Variants in KLHL7 observed in about 807,000 individuals in gnomAD.
The protein encoded by KLHL7 is kelch-like protein 7.
Under a neutral mutation model 67.4 loss-of-function variants are expected in KLHL7, and 44 were observed. That is an observed-to-expected ratio of 0.65 (90% CI 0.51 to 0.84). The LOEUF (loss-of-function observed/expected upper bound fraction) is 0.84, where lower values mean the gene tolerates loss of function less well. KLHL7 is among the 40% of genes least tolerant of loss of function. The probability of loss-of-function intolerance (pLI) is 0.00; values close to 1 mark genes in which losing one functional copy is unlikely to be tolerated. For synonymous variants in KLHL7, 252 were observed against 243.3 expected (o/e 1.04, Z -0.33); for missense variants, 362 against 718.1 (o/e 0.50, Z 5.67).
At position 23,177,353 on chromosome 7, in the gene KLHL7, G is replaced by A. The variant is rs1220386010; in HGVS notation, c.*3055G>A. The A allele has an allele frequency of 6.6e-6, 1 of 152,148 alleles. No homozygotes were observed. The highest frequency in any genetic ancestry group is 1.9e-4 in the East Asian group (1 of 5,198). The allele number at this position is 152,148 out of a possible 1,614,324, so 9.4% of individuals were successfully genotyped here. ...ACAGTACCTGTCTAAGATATTTTAA[G>A]TACACCAGCATTTCCTTTTAGGCTA... On this transcript the variant is annotated 3_prime_UTR_variant, in exon 11 of 11. Coordinates refer to ENST00000339077, the MANE Select transcript of KLHL7 (RefSeq NM_001031710.3).
chr7:23,126,159 T>G, intron 4 of KLHL7: 1 of 398,688 alleles, frequency 2.5e-6, no homozygotes, highest in Non-Finnish European at 4.7e-6. Flanking sequence ...CAGGATGGTT[T>G]CTTAAGTGAC....
rs185858320 is a variant in KLHL7, at chr7:23,148,022, T to C, written c.793+3997T>C. Among the ~76,000 whole-genome samples the C allele has an allele frequency of 2.1e-3, 324 of 152,336 alleles. 3 individuals carry two copies. The highest frequency in any genetic ancestry group is 0.015 in the South Asian group (72 of 4,820). On this transcript the variant is annotated intron_variant, in intron 6 of 10. Coordinates refer to ENST00000339077, the MANE Select transcript of KLHL7 (RefSeq NM_001031710.3). ...CTTATCTTGAGCAGATCCAAGACTT[T>C]ATCTCCTCTGCCTCATACAGCCAAT...
intron 4 of KLHL7, among the ~76,000 whole-genome samples, chr7:23,138,662 T>C (rs559890770): frequency 6.5e-4 from 99 of 151,806 alleles, no homozygotes; most frequent in African/African-American, 2.3e-3. Context: ...CTCAGCCTCC[T>C]GAGTAGCTGG....
At chr7:23,160,921 A>T (rs1195097604) in intron 7 of KLHL7, among the ~76,000 whole-genome samples, 1 of 152,196 alleles carries the variant, frequency 6.6e-6, no homozygotes, top group Non-Finnish European at 1.5e-5. Flanking sequence ...GACTGCCTCT[A>T]ATCTGTCCTA....
At chr7:23,151,163 T>TTTGTTTTG (rs1784522705) in intron 6 of KLHL7, among the ~76,000 whole-genome samples, 1 of 146,214 alleles carries the variant, frequency 6.8e-6, no homozygotes, top group African/African-American at 2.6e-5. Flanking sequence ...TTTTGTTTTT[T>TTTGTTTTG]TTTTTTTCTT....
chr7:23,127,369 C>G (rs1477509742), intron 4 of KLHL7, among the ~76,000 whole-genome samples: 3 of 152,116 alleles, frequency 2.0e-5, no homozygotes, highest in African/African-American at 7.2e-5. Context: ...GGAAGGACAG[C>G]CCCGCCACCT....
chr7:23,135,601 T>C (rs1188128765), intron 4 of KLHL7, among the ~76,000 whole-genome samples: 1 of 152,192 alleles, frequency 6.6e-6, no homozygotes, highest in Non-Finnish European at 1.5e-5. Flanking sequence ...CTGCTAAACA[T>C]GTATTATCAC....
intron 7 of KLHL7, among the ~76,000 whole-genome samples, chr7:23,157,662 C>G (rs1172397417): frequency 6.6e-6 from 1 of 152,092 alleles, no homozygotes; most frequent in Non-Finnish European, 1.5e-5. Flanking sequence ...TAGTTTTGTT[C>G]TAAAATCAAC....
At chr7:23,153,892 T>A (rs1019174292) in intron 7 of KLHL7, among the ~76,000 whole-genome samples, 1 of 152,230 alleles carries the variant, frequency 6.6e-6, no homozygotes, top group African/African-American at 2.4e-5. Context: ...AGCTGTCCAT[T>A]TTCAAGGGGT....
At chr7:23,170,202 G>A (rs1208883451) in intron 9 of KLHL7, among the ~76,000 whole-genome samples, 8 of 152,188 alleles carry the variant, frequency 5.3e-5, no homozygotes, top group South Asian at 2.1e-4. Context: ...CAACAAGAGC[G>A]AAACTCTGTC....
intron 4 of KLHL7, 106 bp from the exon 5 acceptor site, chr7:23,140,663 A>G (rs1784151665): frequency 1.1e-6 from 1 of 884,876 alleles, no homozygotes; most frequent in East Asian, 2.6e-5. Context: ...ATCCAGATTT[A>G]TGAAATTTAC....
intron 4 of KLHL7, among the ~76,000 whole-genome samples, chr7:23,132,269 CA>C (rs1002154045): frequency 2.0e-5 from 3 of 152,186 alleles, no homozygotes; most frequent in African/African-American, 7.2e-5. Flanking sequence ...ACATTTCCAC[CA>C]ACAGTGTACG....
intron 6 of KLHL7, among the ~76,000 whole-genome samples, chr7:23,148,462 G>T (rs1174011403): frequency 6.6e-6 from 1 of 151,428 alleles, no homozygotes; most frequent in Non-Finnish European, 1.5e-5. Context: ...GAAAACCATG[G>T]TATAAGAGAG....
At chr7:23,118,932 C>T (rs1783213624) in intron 1 of KLHL7, among the ~76,000 whole-genome samples, 1 of 152,004 alleles carries the variant, frequency 6.6e-6, no homozygotes, top group Admixed American at 6.6e-5. Context: ...ATTAGCCAGG[C>T]ATGGTGGTAC....
intron 1 of KLHL7, chr7:23,118,031 T>G: frequency 6.4e-7 from 1 of 1,569,020 alleles, no homozygotes; most frequent in Non-Finnish European, 8.7e-7. Flanking sequence ...GTTGACTGCA[T>G]GCCTCTTACT....
chr7:23,140,819 G>A lies in KLHL7; in HGVS notation c.493G>A (p.Ala165Thr). ...CLDCPELKATADDFIHQHFTE... is the reference protein window; with the variant it reads ...CLDCPELKATTDDFIHQHFTE... ...AGATTGTCCTGAATTGAAAGCAACT[G>A]CAGATGACTTTATTCATCAGCACTT... is the stretch of plus-strand genomic sequence containing the variant. Residue 165 changes from alanine to threonine, a missense_variant, in exon 5 of 11, where the codon GCA becomes ACA. Coordinates refer to ENST00000339077, the MANE Select transcript of KLHL7 (RefSeq NM_001031710.3). 6.2e-7 allele frequency: 1 copy of A among 1,613,916 alleles called. No homozygotes were observed. Among genetic ancestry groups the A allele is most frequent in the Non-Finnish European group, 8.5e-7 (1 of 1,179,886 alleles).
chr7:23,136,902 A>T (rs2128463391), intron 4 of KLHL7, among the ~76,000 whole-genome samples: 1 of 152,334 alleles, frequency 6.6e-6, no homozygotes, highest in Middle Eastern at 3.4e-3. Context: ...AAATAAATGT[A>T]TTTATTTTTA....
At chr7:23,166,036 A>T (rs1784995243) in intron 8 of KLHL7, 98 bp downstream of exon 8, 1 of 1,349,390 alleles carries the variant, frequency 7.4e-7, no homozygotes, top group South Asian at 1.2e-5. Context: ...ATTTGTCCAG[A>T]TACTTTCTTG....
At chr7:23,106,756 G>C (rs1782659633) in intron 1 of KLHL7, 2 of 986,088 alleles carry the variant, frequency 2.0e-6, no homozygotes, top group East Asian at 2.3e-4. Flanking sequence ...TCCTTGGTGT[G>C]TGGTGCATTC....
Sources: allele counts gnomAD v4.1 joint callset (sites outside exome capture counted in the v4.1 genomes callset), GRCh38; gene constraint gnomAD v4.1.1; transcripts MANE v1.5; gene names NCBI Gene and HGNC (gene_info 2026-07-23, HGNC 2026-07-21).